The following TIMP4 variants were observed in gnomAD, a reference collection of about 807,000 sequenced individuals.
TIMP4 encodes the protein metalloproteinase inhibitor 4.
TIMP4 carries 28 observed loss-of-function variants against 27.3 expected under a neutral mutation model. That is an observed-to-expected ratio of 1.03 (90% CI 0.76 to 1.41). TIMP4 has a LOEUF of 1.41. Among genes scored for constraint, TIMP4 ranks in the 40% most tolerant of loss-of-function variants. TIMP4 has a pLI of 0.00. For missense variants in TIMP4, 307 were observed against 285.5 expected (o/e 1.08, Z -0.54); for synonymous variants, 138 against 115.5 (o/e 1.20, Z -1.25).
chr3:12,153,489 A>G lies in TIMP4; in HGVS notation c.*26T>C. 2.5e-6 allele frequency: 4 copies of G among 1,611,968 alleles called. No homozygotes were observed. The highest frequency in any genetic ancestry group is 8.5e-7 in the Non-Finnish European group (1 of 1,179,500). ...CTGGCTTGATCTTCAGGACTCTTGA[A>G]GGGATGTGATGGTCACTGGTCCCTA... On this transcript the variant is annotated 3_prime_UTR_variant, in exon 5 of 5. Coordinates refer to ENST00000287814, the MANE Select transcript of TIMP4 (RefSeq NM_003256.4).
chr3:12,158,728 T>C lies in TIMP4; in HGVS notation c.113A>G (p.Gln38Arg), dbSNP rs771449410. ...AAGTGCCGAGTGGCAGATGTGCTGCTGAGGGTGCGCCGGGGCGCAGCTGCA... is the reference window on the plus strand; with the variant it reads ...AAGTGCCGAGTGGCAGATGTGCTGCCGAGGGTGCGCCGGGGCGCAGCTGCA... ...EACSCAPAHP[Q>R]QHICHSALVI... The change falls in exon 1 of 5, where the codon CAG becomes CGG. Residue 38 changes from glutamine (Q) to arginine (R), a missense_variant. Physicochemically the swap from Gln to Arg is conservative, Grantham distance 43. Coordinates refer to ENST00000287814, the MANE Select transcript of TIMP4 (RefSeq NM_003256.4). 7.5e-6 allele frequency: 12 copies of C among 1,609,934 alleles called. No individual in the cohort carries two copies. In the Admixed American group the frequency reaches 1.7e-4, roughly 22 times the overall value.
Position 12,158,230 on chromosome 3 carries a change from T to C in TIMP4, c.139+472A>G, listed in dbSNP as rs1194658104. ...GATGAGTAGGAGTCTGCCAGGAATT[T>C]AAGGGTGTGAGGGAGGGCATTCCAG... On this transcript the variant is annotated intron_variant, in intron 1 of 4. Transcript: ENST00000287814. Among the ~76,000 whole-genome samples, 5 of 152,254 alleles carry C rather than the reference T, an allele frequency of 3.3e-5. No individual in the cohort carries two copies. The East Asian group carries it at 7.7e-4, about 24-fold the overall frequency.
intron 3 of TIMP4, among the ~76,000 whole-genome samples, chr3:12,154,919 C>T (rs1697412274): frequency 6.6e-6 from 1 of 152,236 alleles, no homozygotes; most frequent in African/African-American, 2.4e-5. Flanking sequence ...CTTCCCCTTT[C>T]CAGCCCTTCC....
In TIMP4 at chr3:12,158,814, T is replaced by C; in HGVS notation, c.27A>G (p.Pro9=). The part of the protein sequence containing the change: MPGSPRPA[P]SWVLLLRLLA... Reference sequence around the variant, plus strand: ...GCAGCCGCAGCAACAGCACCCAGCTTGGCGCGGGCCGAGGGCTCCCAGGCA... The same window carrying C: ...GCAGCCGCAGCAACAGCACCCAGCTCGGCGCGGGCCGAGGGCTCCCAGGCA... The change falls in exon 1 of 5, where the codon CCA becomes CCG. Residue 9 remains proline, a synonymous_variant. Coordinates refer to ENST00000287814, the MANE Select transcript of TIMP4 (RefSeq NM_003256.4). 6.3e-7 allele frequency: 1 copy of C among 1,598,256 alleles called. No individual in the cohort carries two copies. Among genetic ancestry groups the C allele is most frequent in the South Asian group, 1.1e-5 (1 of 90,320 alleles).
In TIMP4 at chr3:12,157,425, T is replaced by A; in HGVS notation, c.197A>T (p.Asp66Val). The change falls in exon 2 of 5, where the codon GAC (aspartate) becomes GTC (valine). Residue 66 changes from aspartate to valine, a missense_variant. Asp to Val is a radical substitution (Grantham distance 152, BLOSUM62 -3). Transcript: ENST00000287814. The stretch of plus-strand genomic sequence containing the variant: ...TTCATACCGGAGCATTTTTTCAGTG[T>A]CAGCAGGGTCTGCACTGGCCGGAAC... ...KVVPASADPA[D>V]TEKMLRYEIK... The A allele has an allele frequency of 6.2e-7, 1 of 1,614,196 alleles. No individual in the cohort carries two copies. The highest frequency in any genetic ancestry group is 1.1e-5 in the South Asian group (1 of 91,086).
intron 4 of TIMP4, 42 bp downstream of exon 4, chr3:12,154,285 T>C: frequency 6.2e-7 from 1 of 1,613,608 alleles, no homozygotes; most frequent in South Asian, 1.1e-5. Flanking sequence ...CTCAGAACCC[T>C]TCCCCCATCC....
In TIMP4 at chr3:12,156,900, T is replaced by G; in HGVS notation, c.272A>C (p.Gln91Pro). ...AGAGTCAAAAGGCGTATAGATATACTGAACATCCTTGACTTTCTCAAACCC... is the reference window on the plus strand; with the variant it reads ...AGAGTCAAAAGGCGTATAGATATACGGAACATCCTTGACTTTCTCAAACCC... The part of the protein sequence containing the change: ...FKGFEKVKDV[Q>P]YIYTPFDSSL... The change falls in exon 3 of 5, where the codon CAG (glutamine) becomes CCG (proline). Residue 91 changes from glutamine (Q) to proline (P), a missense_variant. By Grantham distance (76) the Gln-to-Pro change is moderately conservative. Coordinates refer to ENST00000287814, the MANE Select transcript of TIMP4 (RefSeq NM_003256.4). 1 of 1,614,166 alleles carries G rather than the reference T, an allele frequency of 6.2e-7. No homozygotes were observed. The highest frequency in any genetic ancestry group is 8.5e-7 in the Non-Finnish European group (1 of 1,180,004).
intron 1 of TIMP4, 159 bp downstream of exon 1, chr3:12,158,543 T>C (rs1306431347): frequency 2.2e-5 from 24 of 1,075,012 alleles, no homozygotes; most frequent in Non-Finnish European, 3.2e-5. Context: ...GCAAGGTTGC[T>C]ATGGCGCCTG....
Position 12,153,635 on chromosome 3 carries a change from T to C in TIMP4, c.555A>G (p.Arg185=). ...ECLWTDWLLE[R]KLYGYQAQHY... ...GCTGAGCCTGGTAACCATAGAGCTT[T>C]CGTTCCAACAGCCAGTCTGTCCAGA... Residue 185 remains arginine (R), a synonymous_variant, in exon 5 of 5, where the codon CGA becomes CGG. Transcript: ENST00000287814. 1 of 1,614,192 alleles carries C rather than the reference T, an allele frequency of 6.2e-7. No individual in the cohort carries two copies. Among genetic ancestry groups the C allele is most frequent in the Non-Finnish European group, 8.5e-7 (1 of 1,180,034 alleles).
chr3:12,156,768 C>T, intron 3 of TIMP4, 52 bp downstream of exon 3: 7 of 1,474,612 alleles, frequency 4.7e-6, no homozygotes, highest in East Asian at 2.3e-5. Context: ...TCACTACCTC[C>T]CCTAGGGCAG....
Position 12,158,835 on chromosome 3 carries a change from A to G in TIMP4, c.6T>C (p.Pro2=). M[P]GSPRPAPSWV... ...AGCTTGGCGCGGGCCGAGGGCTCCC[A>G]GGCATGACACTGCAGATCCGCGACT... Residue 2 remains proline (P), a synonymous_variant, in exon 1 of 5, where the codon CCT becomes CCC. Coordinates refer to ENST00000287814, the MANE Select transcript of TIMP4 (RefSeq NM_003256.4). The G allele has an allele frequency of 6.3e-7, 1 of 1,585,344 alleles. No individual in the cohort carries two copies. Among genetic ancestry groups the G allele is most frequent in the Non-Finnish European group, 8.5e-7 (1 of 1,170,376 alleles).
At chr3:12,153,779 G>C (rs775316237) in intron 4 of TIMP4, 67 bp from the exon 5 acceptor site, 141 of 1,551,650 alleles carry the variant, frequency 9.1e-5, no homozygotes, top group Middle Eastern at 3.4e-4. Flanking sequence ...CTGCCTTTCA[G>C]ATTCCTACGT....
intron 3 of TIMP4, 58 bp downstream of exon 3, chr3:12,156,762 T>C (rs1697468825): frequency 7.0e-7 from 1 of 1,424,680 alleles, no homozygotes. Context: ...CCTTTCTCAC[T>C]ACCTCCCCTA....
At position 12,158,873 on chromosome 3, in the gene TIMP4, T is replaced by G. The variant is rs1304301833; in HGVS notation, c.-33A>C. On this transcript the variant is annotated 5_prime_UTR_variant, in exon 1 of 5. Transcript: ENST00000287814. ...CAGATCCGCGACTGAGCCTGTGAGGTCTGGGGGACTGGACGGCCCCAGCAG... is the reference window on the plus strand; with the variant it reads ...CAGATCCGCGACTGAGCCTGTGAGGGCTGGGGGACTGGACGGCCCCAGCAG... 4 of 1,519,550 alleles carry G rather than the reference T, an allele frequency of 2.6e-6. No homozygotes were observed. The highest frequency in any genetic ancestry group is 3.5e-6 in the Non-Finnish European group (4 of 1,136,690). 94.1% of individuals were successfully genotyped at this position (1,519,550 alleles called of 1,614,324 possible).
At chr3:12,154,882 AG>A (rs749221819) in intron 3 of TIMP4, among the ~76,000 whole-genome samples, 20 of 152,334 alleles carry the variant, frequency 1.3e-4, no homozygotes, top group Non-Finnish European at 2.6e-4. Flanking sequence ...GTGGTCCCAC[AG>A]AAGATATTCA....
At chr3:12,157,844 C>G (rs1458003020) in intron 1 of TIMP4, among the ~76,000 whole-genome samples, 1 of 152,192 alleles carries the variant, frequency 6.6e-6, no homozygotes, top group Non-Finnish European at 1.5e-5. Context: ...TGAAGTTTAT[C>G]TATTGCTGTG....
At position 12,156,905 on chromosome 3, in the gene TIMP4, AT is replaced by A; in HGVS notation, c.266del (p.Asp89ValfsTer16). ...CAAAAGGCGTATAGATATACTGAACATCCTTGACTTTCTCAAACCCTTTGAA... is the reference window on the plus strand; with the variant it reads ...CAAAAGGCGTATAGATATACTGAACACCTTGACTTTCTCAAACCCTTTGAA... The part of the protein sequence containing the change: ...KMFKGFEKVK[D>X]VQYIYTPFDS... On this transcript the variant is annotated frameshift_variant, in exon 3 of 5. Transcript: ENST00000287814. LOFTEE classifies it high-confidence loss of function. The A allele has an allele frequency of 6.2e-7, 1 of 1,614,128 alleles. No individual in the cohort carries two copies. Among genetic ancestry groups the A allele is most frequent in the South Asian group, 1.1e-5 (1 of 91,036 alleles).
Position 12,158,701 on chromosome 3 carries a change from C to G in TIMP4, c.139+1G>C. On this transcript the variant is annotated splice_donor_variant, in intron 1 of 4. Coordinates refer to ENST00000287814, the MANE Select transcript of TIMP4 (RefSeq NM_003256.4). LOFTEE classifies it high-confidence loss of function. ...GTGGACCTCGCGGACCTCGGACTCACCAAGTGCCGAGTGGCAGATGTGCTG... is the reference window on the plus strand; with the variant it reads ...GTGGACCTCGCGGACCTCGGACTCAGCAAGTGCCGAGTGGCAGATGTGCTG... 1.2e-6 allele frequency: 2 copies of G among 1,610,328 alleles called. No individual in the cohort carries two copies. Among genetic ancestry groups the G allele is most frequent in the Non-Finnish European group, 1.7e-6 (2 of 1,179,680 alleles).
intron 4 of TIMP4, 94 bp downstream of exon 4, chr3:12,154,233 A>T (rs1697386792): frequency 6.4e-7 from 1 of 1,555,876 alleles, no homozygotes; most frequent in African/African-American, 1.4e-5. Context: ...GCAGATCTCA[A>T]GTATAGTCTA....
Sources: gnomAD v4.1 joint callset for allele counts (sites outside exome capture counted in the v4.1 genomes callset) on GRCh38, gnomAD v4.1.1 for gene constraint, MANE v1.5 for transcripts, NCBI Gene and HGNC (gene_info 2026-07-23, HGNC 2026-07-21) for gene names.